The following RORC variants were observed in gnomAD, a reference collection of about 807,000 sequenced individuals.
The protein encoded by RORC is RAR related orphan receptor C, also known as nuclear receptor ROR-gamma.
In RORC, 13 loss-of-function variants were observed where a neutral mutation model predicts 64.5. That is an observed-to-expected ratio of 0.20 (90% CI 0.13 to 0.32). RORC has a LOEUF of 0.32. Among genes scored for constraint, RORC ranks in the 10% least tolerant of loss-of-function variants. The pLI is 1.00. For synonymous variants in RORC, 277 were observed against 259.3 expected, an observed-to-expected ratio of 1.07 and a Z score of -0.65; for missense variants, 468 against 669.5, an observed-to-expected ratio of 0.70 and a Z score of 3.32.
chr1:151,816,901 C>T, intron 3 of RORC, 96 bp from the exon 4 acceptor site: 2 of 1,288,960 alleles, frequency 1.6e-6, no homozygotes, highest in Non-Finnish European at 2.1e-6. Flanking sequence ...AGCTTTTCTA[C>T]ATCCCACGAC....
intron 2 of RORC, among the ~76,000 whole-genome samples, chr1:151,826,663 A>C (rs191375999): frequency 5.9e-5 from 9 of 152,330 alleles, no homozygotes; most frequent in Non-Finnish European, 7.3e-5. Flanking sequence ...CAATCCACAG[A>C]AGGAAACCAG....
chr1:151,812,959 G>A lies in RORC; in HGVS notation c.1273C>T (p.Leu425Phe), dbSNP rs375068209. The change falls in exon 9 of 11, where the codon CTC (leucine) becomes TTC (phenylalanine). Residue 425 changes from leucine (L) to phenylalanine (F), a missense_variant. Around this residue, in one of 5 missense-constraint regions of RORC, gnomAD observed 93 missense variants for 116.6 expected, o/e 0.80. Coordinates refer to ENST00000318247, the MANE Select transcript of RORC (RefSeq NM_005060.4). ...DEIALYTALV[L>F]INAHRPGLQE... ...CAGCAACACTCACGGGCATTGATGA[G>A]AACAAGGGCTGTGTAGAGGGCAATC... 1 of 1,611,654 alleles carries A rather than the reference G, an allele frequency of 6.2e-7. No individual in the cohort carries two copies. Among genetic ancestry groups the A allele is most frequent in the African/African-American group, 1.3e-5 (1 of 74,998 alleles).
Position 151,813,512 on chromosome 1 carries a change from C to A in RORC, c.1042G>T (p.Asp348Tyr). 1 of 1,614,134 alleles carries A rather than the reference C, an allele frequency of 6.2e-7. No individual in the cohort carries two copies. Among genetic ancestry groups the A allele is most frequent in the South Asian group, 1.1e-5 (1 of 91,032 alleles). Residue 348 changes from aspartate to tyrosine, a missense_variant, in exon 7 of 11, where the codon GAC becomes TAC. Asp to Tyr is a radical substitution (Grantham distance 160). Coordinates refer to ENST00000318247, the MANE Select transcript of RORC (RefSeq NM_005060.4). ...CCTGCTTTGAGAAGCACAATCTGGTCATTCTGGCAGAGCTCCATAAAGCCT... is the reference window on the plus strand; with the variant it reads ...CCTGCTTTGAGAAGCACAATCTGGTAATTCTGGCAGAGCTCCATAAAGCCT... ...LSGFMELCQN[D>Y]QIVLLKAGAM...
rs765622050 is a variant in RORC, at chr1:151,816,820, T to G, written c.157-15A>C. 1 of 1,519,346 alleles carries G rather than the reference T, an allele frequency of 6.6e-7. No homozygotes were observed. The highest frequency in any genetic ancestry group is 2.4e-5 in the East Asian group (1 of 42,120). 94.1% of individuals were successfully genotyped at this position (1,519,346 alleles called of 1,614,324 possible). A position where few individuals can be genotyped will look rare whatever the true frequency, so the allele number is the denominator to read the frequency against. On this transcript the variant is annotated splice_polypyrimidine_tract_variant and intron_variant, in intron 3 of 10. Transcript: ENST00000318247. ...CGGAAGAAGCCCTGGGGAAAGCAGG[T>G]GGAGGGCAAGACTGCTTATCCTGGT...
At chr1:151,820,044 A>C (rs903138893) in intron 2 of RORC, among the ~76,000 whole-genome samples, 3 of 152,128 alleles carry the variant, frequency 2.0e-5, no homozygotes, top group Admixed American at 2.0e-4. Flanking sequence ...CGGCTGCGGA[A>C]ACACTGAAAC....
At chr1:151,820,730 T>C (rs2101667150) in intron 2 of RORC, among the ~76,000 whole-genome samples, 1 of 152,344 alleles carries the variant, frequency 6.6e-6, no homozygotes, top group Admixed American at 6.5e-5. Flanking sequence ...TGAATGACTA[T>C]GGCTTTCTGC....
intron 2 of RORC, among the ~76,000 whole-genome samples, chr1:151,819,795 C>A (rs1249955474): frequency 6.6e-6 from 1 of 152,114 alleles, no homozygotes; most frequent in African/African-American, 2.4e-5. Context: ...GAAGATGCGG[C>A]CAGTCAAGGA....
At position 151,819,411 on chromosome 1, in the gene RORC, T is replaced by TGGGCCTGGCA. The variant is rs1651896105; in HGVS notation, c.71-2141_71-2132dup. On this transcript the variant is annotated intron_variant, in intron 2 of 10. Coordinates refer to ENST00000318247, the MANE Select transcript of RORC (RefSeq NM_005060.4). ...GCAGAGGTCAGGCTGAGAAGACCAG[T>TGGGCCTGGCA]GGGCCTGGCAAGGCTGAGAGGAGCA... 2.0e-5 allele frequency among the ~76,000 whole-genome samples: 3 copies of TGGGCCTGGCA among 152,194 alleles called. No individual in the cohort carries two copies. In the East Asian group the frequency reaches 5.8e-4, roughly 29 times the overall value.
chr1:151,808,357 G>C (rs1365690232), intron 10 of RORC, among the ~76,000 whole-genome samples: 1 of 152,252 alleles, frequency 6.6e-6, no homozygotes, highest in Non-Finnish European at 1.5e-5. Flanking sequence ...CCAGTGAGCA[G>C]ACGGAGGCAG....
At chr1:151,829,573 T>G in intron 1 of RORC, 115 bp from the exon 2 acceptor site, 1 of 1,013,508 alleles carries the variant, frequency 9.9e-7, no homozygotes, top group Non-Finnish European at 1.4e-6. Context: ...GCCTGGCGTC[T>G]GAAGGGCAGG....
chr1:151,814,328 G>C, intron 6 of RORC: 1 of 455,042 alleles, frequency 2.2e-6, no homozygotes, highest in Non-Finnish European at 4.0e-6. Context: ...GGTAGAGGAG[G>C]TAGGATGAAG....
At chr1:151,817,112 CTGTGTG>C (rs151171878) in intron 3 of RORC, 77 bp downstream of exon 3, 1 of 544,774 alleles carries the variant, frequency 1.8e-6, no homozygotes, top group African/African-American at 1.9e-5. Context: ...TAAGGAGACA[CTGTGTG>C]TGTGTGTGTG....
chr1:151,813,334 A>C lies in RORC; in HGVS notation c.1079T>G (p.Val360Gly). ...GGCCCGGCACATCCTAACCAGCACC[A>C]CTTCCATTGCTCCTGGGCAGTGGGG... ...IVLLKAGAME[V>G]VLVRMCRAYN... The change falls in exon 8 of 11, where the codon GTG becomes GGG. Residue 360 changes from valine (V) to glycine (G), a missense_variant. Physicochemically the swap from Val to Gly is moderately radical, Grantham distance 109. Coordinates refer to ENST00000318247, the MANE Select transcript of RORC (RefSeq NM_005060.4). 1 of 1,614,096 alleles carries C rather than the reference A, an allele frequency of 6.2e-7. No homozygotes were observed. The highest frequency in any genetic ancestry group is 2.2e-5 in the East Asian group (1 of 44,876).
At chr1:151,819,366 T>C (rs1651895100) in intron 2 of RORC, among the ~76,000 whole-genome samples, 1 of 152,186 alleles carries the variant, frequency 6.6e-6, no homozygotes, top group Non-Finnish European at 1.5e-5. Context: ...GAAAGCACTG[T>C]GTATTCAAGT....
intron 10 of RORC, among the ~76,000 whole-genome samples, chr1:151,809,250 T>C (rs554813169): frequency 6.6e-6 from 1 of 152,052 alleles, no homozygotes; most frequent in Admixed American, 6.5e-5. Flanking sequence ...AATACAAAAA[T>C]TAGCCGGGCG....
Position 151,807,751 on chromosome 1 carries a change from G to A in RORC, c.1396-118C>T. ...CTCCTTGCCTTCCCCTTATGTACTT[G>A]GCACTTTGGCACCAGCCAAATCCCA... On this transcript the variant is annotated intron_variant, in intron 10 of 10. Transcript: ENST00000318247. The surrounding 1 kb of genome is among the most constrained non-coding windows in gnomAD (Gnocchi z 5.0). The A allele has an allele frequency of 9.5e-7, 1 of 1,050,902 alleles. No individual in the cohort carries two copies. Among genetic ancestry groups the A allele is most frequent in the Non-Finnish European group, 1.4e-6 (1 of 730,494 alleles). The allele number at this position is 1,050,902 out of a possible 1,614,324, so 65.1% of individuals were successfully genotyped here.
At chr1:151,811,256 C>G in intron 10 of RORC, 69 bp downstream of exon 10, 1 of 995,738 alleles carries the variant, frequency 1.0e-6, no homozygotes, top group Non-Finnish European at 1.6e-6. Context: ...AGACCCCGGC[C>G]CTCGCAAACT....
chr1:151,822,915 G>T (rs114024952), intron 2 of RORC, among the ~76,000 whole-genome samples: 9 of 152,242 alleles, frequency 5.9e-5, no homozygotes, highest in African/African-American at 2.2e-4. Context: ...TGCCCGCCTG[G>T]GAGAGACCTT....
At position 151,807,072 on chromosome 1, in the gene RORC, AG is replaced by A; in HGVS notation, c.*399del. ...AGGGAAATGCAATGAGGTATTTCAAAGGCTTATTCTTAGCTTCTGAGCTTCT... is the reference window on the plus strand; with the variant it reads ...AGGGAAATGCAATGAGGTATTTCAAAGCTTATTCTTAGCTTCTGAGCTTCT... On this transcript the variant is annotated 3_prime_UTR_variant, in exon 11 of 11. Coordinates refer to ENST00000318247, the MANE Select transcript of RORC (RefSeq NM_005060.4). This position sits in a 1 kb window ranked among gnomAD's most constrained non-coding sequence, Gnocchi z 5.0. The A allele has an allele frequency of 6.1e-6, 1 of 163,574 alleles. No individual in the cohort carries two copies. Among genetic ancestry groups the A allele is most frequent in the Non-Finnish European group, 1.3e-5 (1 of 75,326 alleles). 10.1% of individuals were successfully genotyped at this position (163,574 alleles called of 1,614,324 possible). A position where few individuals can be genotyped will look rare whatever the true frequency, so the allele number is the denominator to read the frequency against.
Sources: allele counts gnomAD v4.1 joint callset (sites outside exome capture counted in the v4.1 genomes callset), GRCh38; gene constraint gnomAD v4.1.1; regional missense constraint gnomAD v4.1.1; non-coding constraint Gnocchi (gnomAD v3.1); transcripts MANE v1.5; gene names NCBI Gene and HGNC (gene_info 2026-07-23, HGNC 2026-07-21).